COMMD1: variants seen among roughly 807,000 people sequenced by gnomAD.
The protein encoded by COMMD1 is copper metabolism domain containing 1, also known as COMM domain-containing protein 1.
Under a neutral mutation model 17.2 loss-of-function variants are expected in COMMD1, and 10 were observed. The observed-to-expected ratio is 0.58, with a 90% CI of 0.36 to 0.99. The LOEUF (loss-of-function observed/expected upper bound fraction) is 0.99, where lower values mean the gene tolerates loss of function less well. Among genes scored for constraint, COMMD1 ranks in the 50% least tolerant of loss-of-function variants. The probability of loss-of-function intolerance (pLI) is 0.01; values close to 1 mark genes in which losing one functional copy is unlikely to be tolerated. For synonymous variants in COMMD1, 97 were observed against 91.6 expected, an observed-to-expected ratio of 1.06 and a Z score of -0.34; for missense variants, 270 against 231.8, an observed-to-expected ratio of 1.17 and a Z score of -1.07.
intron 2 of COMMD1, among the ~76,000 whole-genome samples, chr2:62,103,811 C>T (rs548339087): frequency 2.6e-4 from 40 of 151,944 alleles, no homozygotes; most frequent in Non-Finnish European, 5.1e-4. Context: ...GTAAATTATT[C>T]TCAATAATTA....
intron 2 of COMMD1, among the ~76,000 whole-genome samples, chr2:62,074,228 A>G (rs964881964): frequency 3.3e-5 from 5 of 152,220 alleles, no homozygotes; most frequent in African/African-American, 1.2e-4. Context: ...TTGAGATTTC[A>G]TTACATAGGC....
intron 2 of COMMD1, among the ~76,000 whole-genome samples, chr2:62,112,636 C>A (rs541834568): frequency 2.0e-4 from 30 of 152,294 alleles, no homozygotes; most frequent in African/African-American, 6.7e-4. Context: ...TGTACATATG[C>A]CATCTTATTT....
intron 2 of COMMD1, among the ~76,000 whole-genome samples, chr2:62,094,782 G>A (rs1671953005): frequency 6.6e-6 from 1 of 152,180 alleles, no homozygotes; most frequent in Non-Finnish European, 1.5e-5. Flanking sequence ...GTGGAAAAAT[G>A]ATACTTAATG....
chr2:62,000,616 C>T, intron 1 of COMMD1, 85 bp from the exon 2 acceptor site: 13 of 1,310,596 alleles, frequency 9.9e-6, no homozygotes, highest in Non-Finnish European at 1.4e-5. Flanking sequence ...AAGAGTCACT[C>T]AAAATATAAT....
chr2:62,096,287 G>A (rs749311216), intron 2 of COMMD1, among the ~76,000 whole-genome samples: 5 of 152,184 alleles, frequency 3.3e-5, no homozygotes, highest in Non-Finnish European at 7.4e-5. Context: ...TAAGAGGGAA[G>A]AGAAAAATCA....
chr2:61,971,957 C>T (rs1671662535), intron 1 of COMMD1, among the ~76,000 whole-genome samples: 1 of 151,980 alleles, frequency 6.6e-6, no homozygotes, highest in Non-Finnish European at 1.5e-5. Context: ...TTCATCTCTA[C>T]AGAAAATTTT....
At chr2:62,049,493 G>A (rs1228829503) in intron 2 of COMMD1, among the ~76,000 whole-genome samples, 3 of 152,140 alleles carry the variant, frequency 2.0e-5, no homozygotes, top group Admixed American at 6.5e-5. Context: ...CTGATATCTA[G>A]TGGATAGAGG....
At chr2:61,967,274 C>T (rs570243936) in intron 1 of COMMD1, among the ~76,000 whole-genome samples, 1 of 152,222 alleles carries the variant, frequency 6.6e-6, no homozygotes, top group Non-Finnish European at 1.5e-5. Context: ...TGTTCAATTC[C>T]TCACCAAAAA....
chr2:62,040,723 T>C (rs562550781), intron 2 of COMMD1, among the ~76,000 whole-genome samples: 21 of 152,200 alleles, frequency 1.4e-4, no homozygotes, highest in African/African-American at 4.6e-4. Flanking sequence ...CCCTCCCTTT[T>C]ATTTTTGGAG....
intron 2 of COMMD1, among the ~76,000 whole-genome samples, chr2:62,129,826 T>C (rs1192399948): frequency 6.6e-6 from 1 of 152,138 alleles, no homozygotes; most frequent in Non-Finnish European, 1.5e-5. Flanking sequence ...TTTAAGCATA[T>C]GAAAGGACAG....
At position 62,128,497 on chromosome 2, in the gene COMMD1, A is replaced by G. The variant is rs1388798841; in HGVS notation, c.463-7334A>G. 3.3e-5 allele frequency among the ~76,000 whole-genome samples: 5 copies of G among 152,242 alleles called. No individual in the cohort carries two copies. In the East Asian group the frequency reaches 5.8e-4, roughly 18 times the overall value. ...CAAAAGCAATTGAAACGAAAGCAAA[A>G]ATTGACAAACGGGATCTAATTAAAG... On this transcript the variant is annotated intron_variant, in intron 2 of 2. Transcript: ENST00000311832.
rs142072367 is a variant in COMMD1, at chr2:62,031,708, A to C, written c.462+30726A>C. Among the ~76,000 whole-genome samples, 4 of 152,314 alleles carry C rather than the reference A, an allele frequency of 2.6e-5. No individual in the cohort carries two copies. The South Asian group carries it at 8.3e-4, about 32-fold the overall frequency. ...ATGATGCTAGATTTGCATGAATTTC[A>C]TTTTGAAGACCTTTGTGGTTATCAG... is the stretch of plus-strand genomic sequence containing the variant. On this transcript the variant is annotated intron_variant, in intron 2 of 2. Coordinates refer to ENST00000311832, the MANE Select transcript of COMMD1 (RefSeq NM_152516.4).
chr2:62,086,727 A>G (rs1271169738), intron 2 of COMMD1, among the ~76,000 whole-genome samples: 1 of 152,202 alleles, frequency 6.6e-6, no homozygotes, highest in African/African-American at 2.4e-5. Flanking sequence ...GTTCCCCAGA[A>G]CTAGACAGTG....
chr2:61,934,571 T>C (rs921220716), intron 1 of COMMD1, among the ~76,000 whole-genome samples: 2 of 152,170 alleles, frequency 1.3e-5, no homozygotes, highest in African/African-American at 4.8e-5. Flanking sequence ...AAAAATTTTT[T>C]TTATAAAGGC....
At chr2:62,013,350 T>A (rs901799305) in intron 2 of COMMD1, among the ~76,000 whole-genome samples, 4 of 152,180 alleles carry the variant, frequency 2.6e-5, no homozygotes, top group Admixed American at 1.3e-4. Context: ...GGAGCCAATA[T>A]TAATATTCCA....
At chr2:61,904,136 G>C (rs895755430), upstream of COMMD1, among the ~76,000 whole-genome samples, 1 of 151,776 alleles carries the variant, frequency 6.6e-6, no homozygotes, top group Admixed American at 6.6e-5. Context: ...CCAGCCTCCC[G>C]AGTAGCTGGG....
At chr2:61,933,212 C>T (rs1312606199) in intron 1 of COMMD1, among the ~76,000 whole-genome samples, 1 of 151,806 alleles carries the variant, frequency 6.6e-6, no homozygotes, top group Non-Finnish European at 1.5e-5. Context: ...TCTCTGCTTG[C>T]CACTCAGCTG....
chr2:61,919,709 A>G (rs1396290691), intron 1 of COMMD1, among the ~76,000 whole-genome samples: 3 of 152,146 alleles, frequency 2.0e-5, no homozygotes, highest in African/African-American at 7.2e-5. Flanking sequence ...TGCCTTTATA[A>G]CAGAGAATTG....
chr2:61,901,970 C>T (rs1669665698), upstream of COMMD1, among the ~76,000 whole-genome samples: 1 of 151,870 alleles, frequency 6.6e-6, no homozygotes, highest in Non-Finnish European at 1.5e-5. Flanking sequence ...AGTAGCTGGA[C>T]TACAGGCACG....
Sources: allele counts gnomAD v4.1 joint callset (sites outside exome capture counted in the v4.1 genomes callset), GRCh38; gene constraint gnomAD v4.1.1; transcripts MANE v1.5; gene names NCBI Gene and HGNC (gene_info 2026-07-23, HGNC 2026-07-21).